The following GTF2F2 variants were observed in gnomAD, a reference collection of about 807,000 sequenced individuals.
The protein encoded by GTF2F2 is ATP-dependent helicase GTF2F2.
In GTF2F2, 23 loss-of-function variants were observed where a neutral mutation model predicts 42.2. The ratio of observed to expected loss-of-function variants is 0.55; its 90% confidence interval spans 0.39 to 0.77. The LOEUF (loss-of-function observed/expected upper bound fraction) is 0.77, where lower values mean the gene tolerates loss of function less well. GTF2F2 is among the 30% of genes least tolerant of loss of function. The pLI is 0.00. For synonymous variants in GTF2F2, 105 were observed against 100.8 expected, an observed-to-expected ratio of 1.04 and a Z score of -0.25; for missense variants, 261 against 287.2, an observed-to-expected ratio of 0.91 and a Z score of 0.66.
At chr13:45,184,885 C>T (rs1210506725) in intron 4 of GTF2F2, among the ~76,000 whole-genome samples, 2 of 152,158 alleles carry the variant, frequency 1.3e-5, no homozygotes, top group Non-Finnish European at 2.9e-5. Context: ...ATAGTCATGG[C>T]TTACTGCAGC....
intron 5 of GTF2F2, among the ~76,000 whole-genome samples, chr13:45,230,299 A>AG (rs1237374426): frequency 2.6e-5 from 4 of 152,194 alleles, no homozygotes; most frequent in African/African-American, 9.6e-5. Flanking sequence ...ACTGCTGATG[A>AG]GAAAGCCATT....
rs189701449 is a variant in GTF2F2 at position 45,192,594 on chromosome 13, G to A, written c.305-14830G>A. On this transcript the variant is annotated intron_variant, in intron 4 of 7. Coordinates refer to ENST00000340473, the MANE Select transcript of GTF2F2 (RefSeq NM_004128.3). ...TTAGAAGTTAAAGAACAAGTGAAAT[G>A]ATTTAGCTGTCCTTTGCAGGGGGAA... Among the ~76,000 whole-genome samples, 151 of 152,266 alleles carry A rather than the reference G, an allele frequency of 9.9e-4. 2 individuals carry two copies. The highest frequency in any genetic ancestry group is 2.1e-4 in the South Asian group (1 of 4,826).
chr13:45,236,109 TATG>T (rs1486842710), intron 5 of GTF2F2, among the ~76,000 whole-genome samples: 1 of 152,200 alleles, frequency 6.6e-6, no homozygotes, highest in Admixed American at 6.5e-5. Flanking sequence ...TCAAAATGTA[TATG>T]ATGTGACTTG....
At chr13:45,162,420 CT>C (rs1478336088) in intron 4 of GTF2F2, among the ~76,000 whole-genome samples, 2 of 152,152 alleles carry the variant, frequency 1.3e-5, no homozygotes, top group Non-Finnish European at 2.9e-5. Context: ...TTCTGACAAT[CT>C]TATACTTGTG....
chr13:45,168,820 C>CTTCCCTCCCTCT (rs1871433855), intron 4 of GTF2F2, among the ~76,000 whole-genome samples: 1 of 147,556 alleles, frequency 6.8e-6, no homozygotes. Flanking sequence ...TCCTTCCTTC[C>CTTCCCTCCCTCT]TTCCTTCCCT....
chr13:45,233,341 G>A (rs1359146646), intron 5 of GTF2F2, among the ~76,000 whole-genome samples: 3 of 152,180 alleles, frequency 2.0e-5, no homozygotes, highest in East Asian at 3.8e-4. Context: ...ATTTTGATCT[G>A]TATAAAAACA....
chr13:45,278,815 T>TC (rs1877135904), intron 7 of GTF2F2, among the ~76,000 whole-genome samples: 1 of 138,116 alleles, frequency 7.2e-6, no homozygotes, highest in African/African-American at 2.9e-5. Context: ...TTTTTCTTTT[T>TC]CTTTTTTTTT....
chr13:45,246,765 C>T (rs997943890), intron 5 of GTF2F2, among the ~76,000 whole-genome samples: 5 of 152,182 alleles, frequency 3.3e-5, no homozygotes, highest in African/African-American at 1.2e-4. Context: ...TGGCTGGGCA[C>T]GGTGGCTCAC....
intron 5 of GTF2F2, among the ~76,000 whole-genome samples, chr13:45,246,087 C>T (rs1475396423): frequency 2.0e-5 from 3 of 151,170 alleles, no homozygotes; most frequent in Non-Finnish European, 4.4e-5. Flanking sequence ...CAGCTCACTG[C>T]AAGCTCCGCC....
chr13:45,244,632 A>G (rs113979901), intron 5 of GTF2F2, among the ~76,000 whole-genome samples: 2 of 152,308 alleles, frequency 1.3e-5, no homozygotes, highest in African/African-American at 4.8e-5. Context: ...TTAATTTTAT[A>G]TGACCAAGGT....
chr13:45,192,652 A>G (rs1322356773), intron 4 of GTF2F2, among the ~76,000 whole-genome samples: 1 of 152,188 alleles, frequency 6.6e-6, no homozygotes, highest in Non-Finnish European at 1.5e-5. Context: ...TTTGTAGACT[A>G]CTTCATTGAA....
At chr13:45,263,517 C>T (rs769787922) in intron 6 of GTF2F2, among the ~76,000 whole-genome samples, 6 of 152,066 alleles carry the variant, frequency 3.9e-5, no homozygotes, top group Non-Finnish European at 7.4e-5. Flanking sequence ...CGTGAGCCAC[C>T]GCACCTGGCT....
intron 4 of GTF2F2, among the ~76,000 whole-genome samples, chr13:45,174,770 A>G (rs1486137251): frequency 6.6e-6 from 1 of 151,830 alleles, no homozygotes; most frequent in East Asian, 1.9e-4. Context: ...CCACAGGTTA[A>G]TGCCTTCATT....
intron 5 of GTF2F2, among the ~76,000 whole-genome samples, chr13:45,243,310 T>G (rs921781703): frequency 2.6e-5 from 4 of 152,218 alleles, no homozygotes; most frequent in Non-Finnish European, 5.9e-5. Context: ...AAGTGAACAT[T>G]ACTGCCTGAG....
At chr13:45,252,427 TC>T (rs570014204) in intron 5 of GTF2F2, among the ~76,000 whole-genome samples, 2 of 152,250 alleles carry the variant, frequency 1.3e-5, no homozygotes, top group Non-Finnish European at 2.9e-5. Flanking sequence ...TCTGTGCTGT[TC>T]AGTAAACCTT....
intron 7 of GTF2F2, among the ~76,000 whole-genome samples, chr13:45,281,944 A>C (rs1566161524): frequency 6.6e-6 from 1 of 152,194 alleles, no homozygotes; most frequent in Non-Finnish European, 1.5e-5. Context: ...CAGGCCTGTA[A>C]TCCCAGCACT....
At chr13:45,221,412 T>G (rs894416458) in intron 5 of GTF2F2, among the ~76,000 whole-genome samples, 6 of 152,172 alleles carry the variant, frequency 3.9e-5, no homozygotes, top group African/African-American at 1.2e-4. Flanking sequence ...TATGGGGCCT[T>G]TTGTTCATAC....
chr13:45,241,629 C>G (rs566831414), intron 5 of GTF2F2, among the ~76,000 whole-genome samples: 3 of 152,194 alleles, frequency 2.0e-5, no homozygotes, highest in South Asian at 4.1e-4. Flanking sequence ...GGAGTATTTT[C>G]CTTTATTGGC....
intron 5 of GTF2F2, among the ~76,000 whole-genome samples, chr13:45,235,267 A>T (rs1874907550): frequency 1.3e-5 from 2 of 152,002 alleles, no homozygotes; most frequent in African/African-American, 4.8e-5. Flanking sequence ...TTTAATTTTT[A>T]AACAATTTTA....
Sources: gnomAD v4.1 joint callset for allele counts (sites outside exome capture counted in the v4.1 genomes callset) on GRCh38, gnomAD v4.1.1 for gene constraint, MANE v1.5 for transcripts, NCBI Gene and HGNC (gene_info 2026-07-23, HGNC 2026-07-21) for gene names.